The following SLC25A20 variants were observed in gnomAD, a reference collection of about 807,000 sequenced individuals.
SLC25A20 encodes solute carrier family 25 member 20.
A neutral mutation model predicts 39.7 loss-of-function variants in SLC25A20; 29 were observed. The ratio of observed to expected loss-of-function variants is 0.73; its 90% CI spans 0.54 to 1.00. The LOEUF (loss-of-function observed/expected upper bound fraction) is 1.00. SLC25A20 is among the 50% of genes least tolerant of loss of function. The pLI, the probability that SLC25A20 is intolerant of heterozygous loss-of-function variation, is 0.00. For missense variants in SLC25A20, 333 were observed against 379.9 expected (o/e 0.88, Z 1.03); for synonymous variants, 103 against 142.2 (o/e 0.72, Z 1.96).
rs1575982324 is a variant in SLC25A20, at chr3:48,867,858, C to G, written c.418-5199G>C. ...GGCGGACCACCTGAGGTCAGGAGTTCGAGACCAGCCTGACCAACATGGAGA... is the reference window on the plus strand; with the variant it reads ...GGCGGACCACCTGAGGTCAGGAGTTGGAGACCAGCCTGACCAACATGGAGA... On this transcript the variant is annotated intron_variant, in intron 4 of 8. Coordinates refer to ENST00000319017, the MANE Select transcript of SLC25A20 (RefSeq NM_000387.6). Among the ~76,000 whole-genome samples, 2 of 151,100 alleles carry G rather than the reference C, an allele frequency of 1.3e-5. 1 individual carries two copies. Among genetic ancestry groups the G allele is most frequent in the Non-Finnish European group, 2.9e-5 (2 of 67,820 alleles).
At chr3:48,866,819 G>C (rs1375288669) in intron 4 of SLC25A20, among the ~76,000 whole-genome samples, 2 of 151,788 alleles carry the variant, frequency 1.3e-5, no homozygotes, top group Non-Finnish European at 2.9e-5. Flanking sequence ...TTGAGACGGA[G>C]TTGTAATCTT....
At chr3:48,869,264 C>A (rs951120646) in intron 4 of SLC25A20, among the ~76,000 whole-genome samples, 32 of 152,182 alleles carry the variant, frequency 2.1e-4, no homozygotes, top group African/African-American at 7.2e-4. Context: ...TTGCCAACAC[C>A]AAGATGTCAG....
chr3:48,863,310 C>A (rs1288750694), intron 4 of SLC25A20, among the ~76,000 whole-genome samples: 2 of 152,174 alleles, frequency 1.3e-5, no homozygotes, highest in Non-Finnish European at 2.9e-5. Flanking sequence ...CAACAAATAT[C>A]CCCTGAAGAC....
At chr3:48,898,205 C>T (rs1022488229) in intron 1 of SLC25A20, among the ~76,000 whole-genome samples, 3 of 152,220 alleles carry the variant, frequency 2.0e-5, no homozygotes, top group Admixed American at 2.0e-4. Context: ...TGTCAAGTAT[C>T]TCCCCGGGCC....
chr3:48,881,470 A>T (rs186702777), intron 3 of SLC25A20, among the ~76,000 whole-genome samples: 12 of 150,798 alleles, frequency 8.0e-5, no homozygotes, highest in African/African-American at 2.9e-4. Context: ...CTATTCTCCC[A>T]CTCCCCACCC....
chr3:48,858,297 C>G (rs140570398), intron 8 of SLC25A20, among the ~76,000 whole-genome samples: 1 of 152,178 alleles, frequency 6.6e-6, no homozygotes, highest in East Asian at 1.9e-4. Flanking sequence ...ATGGCCAGGT[C>G]AGGAAATCAA....
intron 1 of SLC25A20, among the ~76,000 whole-genome samples, chr3:48,897,614 T>C (rs112077982): frequency 2.0e-5 from 3 of 152,040 alleles, no homozygotes; most frequent in Non-Finnish European, 4.4e-5. Context: ...TCCTATAGAA[T>C]GACCCCAGTA....
chr3:48,858,419 A>C, intron 8 of SLC25A20, 88 bp downstream of exon 8: 1 of 1,580,118 alleles, frequency 6.3e-7, no homozygotes, highest in East Asian at 2.2e-5. Context: ...CTGAGACCCC[A>C]GTCCTATCCC....
intron 2 of SLC25A20, among the ~76,000 whole-genome samples, chr3:48,888,813 G>A (rs922510178): frequency 2.6e-5 from 4 of 151,852 alleles, no homozygotes; most frequent in South Asian, 4.2e-4. Flanking sequence ...AGGGCCAGGC[G>A]TGGTGGCTCA....
intron 4 of SLC25A20, among the ~76,000 whole-genome samples, chr3:48,870,524 C>T (rs896126834): frequency 3.3e-5 from 5 of 149,908 alleles, no homozygotes; most frequent in Non-Finnish European, 5.9e-5. Flanking sequence ...GAAAACTACA[C>T]AATGCTGATG....
chr3:48,883,425 C>T (rs930959340), intron 3 of SLC25A20, among the ~76,000 whole-genome samples: 53 of 151,582 alleles, frequency 3.5e-4, no homozygotes, highest in Non-Finnish European at 6.5e-4. Flanking sequence ...GTGGTGCATG[C>T]CTGTAATCCG....
intron 4 of SLC25A20, among the ~76,000 whole-genome samples, chr3:48,873,143 G>GA (rs1430702068): frequency 6.6e-6 from 1 of 152,064 alleles, no homozygotes; most frequent in African/African-American, 2.4e-5. Flanking sequence ...AGAATCGCTT[G>GA]AATCTGGGAG....
chr3:48,879,352 C>G lies in SLC25A20; in HGVS notation c.417+6G>C, dbSNP rs750970405. 1 of 1,597,410 alleles carries G rather than the reference C, an allele frequency of 6.3e-7. No homozygotes were observed. Among genetic ancestry groups the G allele is most frequent in the African/African-American group, 1.3e-5 (1 of 74,570 alleles). ...AAAGCTATTTCCCCTCCAATCACAACCTTACCTGTAATAAGCACTTGATCC... is the reference window on the plus strand; with the variant it reads ...AAAGCTATTTCCCCTCCAATCACAAGCTTACCTGTAATAAGCACTTGATCC... On this transcript the variant is annotated splice_donor_region_variant and intron_variant, in intron 4 of 8. Transcript: ENST00000319017.
rs778572001 is a variant in SLC25A20 at position 48,859,151 on chromosome 3, C to T, written c.659G>A (p.Gly220Glu). ...PRILVAGGIA[G>E]IFNWAVAIPP... ...GATTGCCACAGCCCAGTTGAAGATCCCTGCAATGCCCCCAGCCACCAAGAT... is the reference window on the plus strand; with the variant it reads ...GATTGCCACAGCCCAGTTGAAGATCTCTGCAATGCCCCCAGCCACCAAGAT... The change falls in exon 7 of 9, where the codon GGG becomes GAG. Residue 220 changes from glycine to glutamate, a missense_variant. Physicochemically the swap from Gly to Glu is moderately conservative, Grantham distance 98. Coordinates refer to ENST00000319017, the MANE Select transcript of SLC25A20 (RefSeq NM_000387.6). 6.2e-7 allele frequency: 1 copy of T among 1,614,028 alleles called. No individual in the cohort carries two copies. The highest frequency in any genetic ancestry group is 1.7e-5 in the Admixed American group (1 of 59,994).
At chr3:48,865,933 A>G (rs1314484256) in intron 4 of SLC25A20, among the ~76,000 whole-genome samples, 2 of 150,756 alleles carry the variant, frequency 1.3e-5, no homozygotes, top group African/African-American at 2.4e-5. Context: ...GATGGAGACC[A>G]TCCTGGCCAA....
chr3:48,874,955 G>A (rs542880588), intron 4 of SLC25A20, among the ~76,000 whole-genome samples: 13 of 150,670 alleles, frequency 8.6e-5, no homozygotes, highest in East Asian at 5.9e-4. Context: ...GTAATCCCAC[G>A]GGAGGCTGAG....
intron 5 of SLC25A20, among the ~76,000 whole-genome samples, chr3:48,859,962 T>C (rs1299460508): frequency 6.6e-6 from 1 of 152,034 alleles, no homozygotes; most frequent in African/African-American, 2.4e-5. Flanking sequence ...AGGCCAGGAA[T>C]TCGAGACCAG....
At chr3:48,858,942 A>G in intron 7 of SLC25A20, 150 bp downstream of exon 7, 1 of 717,406 alleles carries the variant, frequency 1.4e-6, no homozygotes, top group Non-Finnish European at 2.5e-6. Context: ...CTAGAATGCA[A>G]ATGACTGTGA....
intron 2 of SLC25A20, among the ~76,000 whole-genome samples, chr3:48,884,395 G>T (rs965172483): frequency 6.6e-6 from 1 of 152,020 alleles, no homozygotes; most frequent in African/African-American, 2.4e-5. Flanking sequence ...TGTCGCCCAG[G>T]CTGGGGTGCA....
Sources: allele counts gnomAD v4.1 joint callset (sites outside exome capture counted in the v4.1 genomes callset), GRCh38; gene constraint gnomAD v4.1.1; transcripts MANE v1.5; gene names NCBI Gene and HGNC (gene_info 2026-07-23, HGNC 2026-07-21).